Variants in PCBP3 observed in about 807,000 individuals in gnomAD.
The protein encoded by PCBP3 is poly(rC) binding protein 3, also known as poly(rC)-binding protein 3.
A neutral mutation model predicts 52.7 loss-of-function variants in PCBP3; 25 were observed. That is an observed-to-expected ratio of 0.47 (90% CI 0.35 to 0.66). The LOEUF (loss-of-function observed/expected upper bound fraction) is 0.66, where lower values mean the gene tolerates loss of function less well. PCBP3 is among the 30% of genes least tolerant of loss of function. The probability of loss-of-function intolerance (pLI) is 0.01; values close to 1 mark genes in which losing one functional copy is unlikely to be tolerated. For synonymous variants in PCBP3, 162 were observed against 183.0 expected, an observed-to-expected ratio of 0.89 and a Z score of 0.93; for missense variants, 391 against 490.3, an observed-to-expected ratio of 0.80 and a Z score of 1.91.
At chr21:45,925,760 C>T (rs1332980352) in intron 13 of PCBP3, among the ~76,000 whole-genome samples, 1 of 152,074 alleles carries the variant, frequency 6.6e-6, no homozygotes, top group African/African-American at 2.4e-5. Flanking sequence ...AAATTCAGCT[C>T]ACAAGAAGAT....
chr21:45,779,477 T>G (rs2090484333), intron 4 of PCBP3, among the ~76,000 whole-genome samples: 1 of 152,228 alleles, frequency 6.6e-6, no homozygotes, highest in African/African-American at 2.4e-5. Flanking sequence ...GTTACTTCTC[T>G]GTTGAATTCA....
intron 3 of PCBP3, among the ~76,000 whole-genome samples, chr21:45,738,493 A>G (rs2086066527): frequency 6.6e-6 from 1 of 152,140 alleles, no homozygotes; most frequent in Non-Finnish European, 1.5e-5. Context: ...TGACCTCGTG[A>G]TCCACACGCC....
rs2085974500 is a variant in PCBP3 at position 45,737,556 on chromosome 21, G to A, written c.-162+2127G>A. On this transcript the variant is annotated intron_variant, in intron 3 of 17. Transcript: ENST00000681687. This position sits in a 1 kb window ranked among gnomAD's most constrained non-coding sequence, Gnocchi z 4.9. ...TCTGGAAATAAACCAGCGTGCTGGG[G>A]TGGGGCGAGCCCGACCATGCAAGCC... 3.9e-5 allele frequency among the ~76,000 whole-genome samples: 6 copies of A among 152,204 alleles called. No individual in the cohort carries two copies. The highest frequency in any genetic ancestry group is 3.9e-4 in the Admixed American group (6 of 15,284).
At chr21:45,758,372 G>T (rs1255053160) in intron 4 of PCBP3, among the ~76,000 whole-genome samples, 1 of 152,122 alleles carries the variant, frequency 6.6e-6, no homozygotes, top group East Asian at 1.9e-4. Flanking sequence ...GACAGTGATT[G>T]CCTTGAATCT....
Position 45,800,505 on chromosome 21 carries a change from G to A in PCBP3, c.-126+45053G>A, listed in dbSNP as rs2092255756. ...TGGGCGTGTCCTGAGGTGTGTGCCTGACCTGACCCTGAGGCCCCCTCCCTG... is the reference window on the plus strand; with the variant it reads ...TGGGCGTGTCCTGAGGTGTGTGCCTAACCTGACCCTGAGGCCCCCTCCCTG... On this transcript the variant is annotated intron_variant, in intron 4 of 17. Coordinates refer to ENST00000681687, the MANE Select transcript of PCBP3 (RefSeq NM_001384156.1). The surrounding 1 kb of genome is among the most constrained non-coding windows in gnomAD (Gnocchi z 5.3). 6.6e-6 allele frequency among the ~76,000 whole-genome samples: 1 copy of A among 152,166 alleles called. No homozygotes were observed. Among genetic ancestry groups the A allele is most frequent in the Non-Finnish European group, 1.5e-5 (1 of 68,010 alleles).
chr21:45,742,598 A>G (rs1368826149), intron 3 of PCBP3, among the ~76,000 whole-genome samples: 1 of 152,174 alleles, frequency 6.6e-6, no homozygotes, highest in Non-Finnish European at 1.5e-5. Flanking sequence ...TTACATTTAG[A>G]AAATCCTTTT....
intron 7 of PCBP3, 61 bp from the exon 8 acceptor site, chr21:45,900,530 G>A: frequency 1.5e-6 from 2 of 1,373,324 alleles, no homozygotes; most frequent in South Asian, 1.2e-5. Context: ...CCCACCATGG[G>A]CCGCGCCGTC....
At chr21:45,890,847 A>C (rs969800041) in intron 5 of PCBP3, among the ~76,000 whole-genome samples, 2 of 149,644 alleles carry the variant, frequency 1.3e-5, no homozygotes, top group Admixed American at 6.6e-5. Flanking sequence ...GGAACTCTGC[A>C]CTGCTGCGGG....
At chr21:45,775,129 T>C (rs2090155821) in intron 4 of PCBP3, among the ~76,000 whole-genome samples, 1 of 152,164 alleles carries the variant, frequency 6.6e-6, no homozygotes, top group African/African-American at 2.4e-5. Flanking sequence ...TGCTGTGAAT[T>C]CACCTGGACC....
At chr21:45,683,019 G>A (rs915838959) in intron 2 of PCBP3, among the ~76,000 whole-genome samples, 7 of 151,982 alleles carry the variant, frequency 4.6e-5, no homozygotes, top group Admixed American at 2.0e-4. Flanking sequence ...GAAGGAATCC[G>A]AAACAAAACA....
intron 3 of PCBP3, chr21:45,749,818 C>T (rs982855632): frequency 2.0e-4 from 30 of 152,446 alleles, no homozygotes; most frequent in African/African-American, 6.7e-4. Context: ...CTAGATGCTG[C>T]ACCCCAGTAT....
chr21:45,913,398 C>T (rs927229632), intron 11 of PCBP3, among the ~76,000 whole-genome samples: 10 of 152,286 alleles, frequency 6.6e-5, no homozygotes, highest in African/African-American at 1.4e-4. Flanking sequence ...ATATAGGTCC[C>T]GGTGGAGTCC....
chr21:45,775,176 T>A (rs1223916016), intron 4 of PCBP3, among the ~76,000 whole-genome samples: 1 of 152,214 alleles, frequency 6.6e-6, no homozygotes, highest in African/African-American at 2.4e-5. Flanking sequence ...TACTACTGAT[T>A]CAGTCTCACT....
chr21:45,898,485 A>C, intron 6 of PCBP3, among the ~76,000 whole-genome samples: 1 of 120,194 alleles, frequency 8.3e-6, no homozygotes. Context: ...CCTTCCACAG[A>C]CCCCTCTGCT....
intron 1 of PCBP3, among the ~76,000 whole-genome samples, chr21:45,668,555 T>C (rs1055554667): frequency 1.3e-5 from 2 of 149,964 alleles, no homozygotes; most frequent in African/African-American, 2.5e-5. Flanking sequence ...AAGACTACTA[T>C]AGAGCTGGGG....
intron 11 of PCBP3, 87 bp downstream of exon 11, chr21:45,911,117 C>T: frequency 6.8e-7 from 1 of 1,478,678 alleles, no homozygotes; most frequent in East Asian, 2.3e-5. Flanking sequence ...GCCCCGGTCG[C>T]CCCAAGGACT....
chr21:45,726,476 G>A (rs1207078164), intron 2 of PCBP3, among the ~76,000 whole-genome samples: 2 of 152,090 alleles, frequency 1.3e-5, no homozygotes, highest in African/African-American at 2.4e-5. Context: ...TATCCTGGGT[G>A]CTCATGCCCC....
intron 1 of PCBP3, among the ~76,000 whole-genome samples, chr21:45,665,037 A>T (rs552504208): frequency 6.6e-5 from 10 of 151,742 alleles, no homozygotes; most frequent in African/African-American, 2.4e-4. Context: ...GTATTTTATT[A>T]TTTTTTTGTA....
intron 4 of PCBP3, among the ~76,000 whole-genome samples, chr21:45,804,570 CT>C (rs1466234705): frequency 6.6e-6 from 1 of 152,150 alleles, no homozygotes; most frequent in African/African-American, 2.4e-5. Flanking sequence ...CTGCACCCCC[CT>C]GACCCTGAGT....
Sources: gnomAD v4.1 joint callset for allele counts (sites outside exome capture counted in the v4.1 genomes callset) on GRCh38, gnomAD v4.1.1 for gene constraint, Gnocchi (gnomAD v3.1) non-coding constraint, MANE v1.5 for transcripts, NCBI Gene and HGNC (gene_info 2026-07-23, HGNC 2026-07-21) for gene names.